The following DYRK1A variants were observed in gnomAD, a reference collection of about 807,000 sequenced individuals.
DYRK1A encodes the protein dual specificity tyrosine-phosphorylation-regulated kinase 1A.
Under a neutral mutation model 79.7 loss-of-function variants are expected in DYRK1A, and 9 were observed. The ratio of observed to expected loss-of-function variants is 0.11; its 90% CI spans 0.07 to 0.20. The LOEUF is 0.20. Among genes scored for constraint, DYRK1A ranks in the 10% least tolerant of loss-of-function variants. The probability of loss-of-function intolerance (pLI) is 1.00; values close to 1 mark genes in which losing one functional copy is unlikely to be tolerated. For synonymous variants in DYRK1A, 349 were observed against 329.7 expected, an observed-to-expected ratio of 1.06 and a Z score of -0.63; for missense variants, 622 against 956.0, an observed-to-expected ratio of 0.65 and a Z score of 4.61.
chr21:37,471,784 G>A (rs781453653), intron 2 of DYRK1A, among the ~76,000 whole-genome samples: 8 of 152,292 alleles, frequency 5.3e-5, no homozygotes, highest in South Asian at 2.1e-4. Flanking sequence ...GTTATGGTCG[G>A]TTGTGTTGTG....
At chr21:37,373,217 C>T (rs2049468873) in intron 1 of DYRK1A, among the ~76,000 whole-genome samples, 1 of 152,088 alleles carries the variant, frequency 6.6e-6, no homozygotes, top group South Asian at 2.1e-4. Context: ...GCTGCCCTGC[C>T]CAGGATTTTG....
At chr21:37,505,667 G>A in intron 10 of DYRK1A, 78 bp downstream of exon 10, 1 of 1,444,182 alleles carries the variant, frequency 6.9e-7, no homozygotes, top group Non-Finnish European at 9.2e-7. Flanking sequence ...TTAAAGTGTT[G>A]ATTAAATTTG....
rs1330289329 is a variant in DYRK1A, at chr21:37,506,046, A to G, written c.1520-53A>G. 3.2e-6 allele frequency: 5 copies of G among 1,566,754 alleles called. 1 individual carries two copies. Among genetic ancestry groups the G allele is most frequent in the East Asian group, 2.3e-5 (1 of 44,014 alleles). On this transcript the variant is annotated intron_variant, in intron 10 of 11. Coordinates refer to ENST00000647188, the MANE Select transcript of DYRK1A (RefSeq NM_001347721.2). Reference sequence around the variant, plus strand: ...GTATAGCTTCAGAGTATAAATTTGAACAAAATGAATTTTAAACTCACAGTT... The same window carrying G: ...GTATAGCTTCAGAGTATAAATTTGAGCAAAATGAATTTTAAACTCACAGTT...
intron 1 of DYRK1A, among the ~76,000 whole-genome samples, chr21:37,375,882 G>GA (rs1197701435): frequency 1.3e-5 from 2 of 151,984 alleles, no homozygotes; most frequent in Non-Finnish European, 2.9e-5. Context: ...GATCTAGCCT[G>GA]AAAACCCATA....
intron 1 of DYRK1A, chr21:37,420,078 G>GTT (rs140342279): frequency 8.0e-5 from 18 of 223,656 alleles, no homozygotes; most frequent in Non-Finnish European, 1.2e-4. Context: ...TTTTGAAACT[G>GTT]TTTTTTTTTT....
intron 1 of DYRK1A, among the ~76,000 whole-genome samples, chr21:37,399,444 T>G (rs1164886980): frequency 6.6e-6 from 1 of 151,852 alleles, no homozygotes; most frequent in Admixed American, 6.6e-5. Context: ...CTGCAGAGTT[T>G]GTGGTAGGGG....
At chr21:37,449,648 C>T (rs1314506317) in intron 2 of DYRK1A, among the ~76,000 whole-genome samples, 2 of 152,166 alleles carry the variant, frequency 1.3e-5, no homozygotes, top group African/African-American at 2.4e-5. Flanking sequence ...CAGTCTCTTT[C>T]GTGTGGTCAA....
In DYRK1A at chr21:37,366,984, G is replaced by GCGC. The variant is rs1284649150; in HGVS notation, c.-708_-706dup. On this transcript the variant is annotated 5_prime_UTR_variant, in exon 1 of 12. Coordinates refer to ENST00000647188, the MANE Select transcript of DYRK1A (RefSeq NM_001347721.2). ...CGGACACCCCGAGCGGGGGGTGCGG[G>GCGC]CGCCGCCGCCGCCGCTTCTGCTGCT... is the stretch of plus-strand genomic sequence containing the variant. 4 of 164,050 alleles carry GCGC rather than the reference G, an allele frequency of 2.4e-5. No individual in the cohort carries two copies. The highest frequency in any genetic ancestry group is 1.3e-4 in the Admixed American group (2 of 15,376). The allele number at this position is 164,050 out of a possible 1,614,324, so 10.2% of individuals were successfully genotyped here. A position where few individuals can be genotyped will look rare whatever the true frequency, so the allele number is the denominator to read the frequency against.
intron 1 of DYRK1A, among the ~76,000 whole-genome samples, chr21:37,395,742 T>G (rs1156240068): frequency 1.3e-5 from 2 of 152,194 alleles, no homozygotes; most frequent in Non-Finnish European, 2.9e-5. Context: ...AAGATTTTAC[T>G]TACATTTAAT....
intron 9 of DYRK1A, among the ~76,000 whole-genome samples, chr21:37,496,541 A>G (rs2053275426): frequency 6.6e-6 from 1 of 152,216 alleles, no homozygotes; most frequent in Non-Finnish European, 1.5e-5. Flanking sequence ...CTTGGTTTCA[A>G]CAGTAGAATT....
intron 1 of DYRK1A, among the ~76,000 whole-genome samples, chr21:37,392,191 G>A (rs1190645395): frequency 1.3e-5 from 2 of 152,200 alleles, no homozygotes; most frequent in Non-Finnish European, 2.9e-5. Flanking sequence ...TGGAAGCAGT[G>A]TTAAAATGCT....
chr21:37,420,459 G>A, intron 2 of DYRK1A, 75 bp downstream of exon 2: 4 of 1,482,370 alleles, frequency 2.7e-6, no homozygotes, highest in Non-Finnish European at 3.8e-6. Context: ...TTGAATGGGG[G>A]AGGTTTCTGA....
chr21:37,388,721 T>C (rs754961450), intron 1 of DYRK1A, among the ~76,000 whole-genome samples: 4 of 151,084 alleles, frequency 2.6e-5, no homozygotes, highest in Non-Finnish European at 5.9e-5. Flanking sequence ...CTCGGCTCAC[T>C]GCAAGCTCTG....
rs183924570 is a variant in DYRK1A at position 37,519,933 on chromosome 21, G to A, written c.*7402G>A. 1 of 152,128 alleles carries A rather than the reference G, an allele frequency of 6.6e-6. No homozygotes were observed. Among genetic ancestry groups the A allele is most frequent in the Non-Finnish European group, 1.5e-5 (1 of 68,116 alleles). The allele number at this position is 152,128 out of a possible 1,614,324, so 9.4% of individuals were successfully genotyped here. On this transcript the variant is annotated 3_prime_UTR_variant, in exon 12 of 12. Coordinates refer to ENST00000647188, the MANE Select transcript of DYRK1A (RefSeq NM_001347721.2). Reference sequence around the variant, plus strand: ...ATTTTTTTTGTGTATTTTTAGTAGAGATGGGGTTTCACCATGTTAGGCAGG... The same window carrying A: ...ATTTTTTTTGTGTATTTTTAGTAGAAATGGGGTTTCACCATGTTAGGCAGG...
chr21:37,400,024 T>A lies in DYRK1A; in HGVS notation c.-76-20275T>A, dbSNP rs140689489. The stretch of plus-strand genomic sequence containing the variant: ...AGTTCTGGAGGCTAGAAGTCCAAAA[T>A]CAGAATCATTGAGCCTAAACCAAGG... On this transcript the variant is annotated intron_variant, in intron 1 of 11. Transcript: ENST00000647188. 3.3e-5 allele frequency among the ~76,000 whole-genome samples: 5 copies of A among 152,256 alleles called. No individual in the cohort carries two copies. The South Asian group carries it at 1.0e-3, about 32-fold the overall frequency.
intron 1 of DYRK1A, among the ~76,000 whole-genome samples, chr21:37,369,284 T>C (rs987771156): frequency 1.3e-5 from 2 of 152,222 alleles, no homozygotes; most frequent in Non-Finnish European, 2.9e-5. Context: ...TCAGTTACTT[T>C]AGGATAATAT....
chr21:37,374,384 A>G (rs2148358349), intron 1 of DYRK1A, among the ~76,000 whole-genome samples: 1 of 150,864 alleles, frequency 6.6e-6, no homozygotes, highest in South Asian at 2.1e-4. Context: ...TTGAAAAAAG[A>G]GAAATATAAA....
intron 1 of DYRK1A, among the ~76,000 whole-genome samples, chr21:37,397,080 C>G (rs1445344909): frequency 6.6e-6 from 1 of 152,170 alleles, no homozygotes; most frequent in African/African-American, 2.4e-5. Flanking sequence ...GAAATGCTCA[C>G]TCAGTGTCCT....
intron 5 of DYRK1A, 59 bp downstream of exon 5, chr21:37,480,885 G>A (rs1283572248): frequency 7.4e-7 from 1 of 1,350,740 alleles, no homozygotes; most frequent in Admixed American, 2.2e-5. Context: ...AGTGAATCTT[G>A]TTGTTAACAG....
Sources: gnomAD v4.1 joint callset for allele counts (sites outside exome capture counted in the v4.1 genomes callset) on GRCh38, gnomAD v4.1.1 for gene constraint, MANE v1.5 for transcripts, NCBI Gene and HGNC (gene_info 2026-07-23, HGNC 2026-07-21) for gene names.